The following TPRG1 variants were observed in gnomAD, a reference collection of about 807,000 sequenced individuals.
TPRG1 encodes tumor protein p63-regulated gene 1 protein.
Under a neutral mutation model 29.3 loss-of-function variants are expected in TPRG1, and 29 were observed. That is an observed-to-expected ratio of 0.99 (90% CI 0.74 to 1.35). TPRG1 has a LOEUF of 1.35. Among genes scored for constraint, TPRG1 ranks in the 40% most tolerant of loss-of-function variants. TPRG1 has a pLI of 0.00. For missense variants in TPRG1, 327 were observed against 335.0 expected (o/e 0.98, Z 0.19); for synonymous variants, 130 against 116.8 (o/e 1.11, Z -0.73).
At chr3:189,090,547 G>C (rs1578329504) in intron 4 of TPRG1, among the ~76,000 whole-genome samples, 1 of 151,862 alleles carries the variant, frequency 6.6e-6, no homozygotes, top group East Asian at 1.9e-4. Flanking sequence ...TTTTTATTTA[G>C]ATATTTTGCA....
At chr3:189,097,107 C>T (rs935443795), upstream of TPRG1, among the ~76,000 whole-genome samples, 2 of 152,196 alleles carry the variant, frequency 1.3e-5, no homozygotes, top group African/African-American at 4.8e-5. Context: ...AATATTGGTT[C>T]ACTGACTTCT....
At chr3:189,062,646 A>C (rs564238024) in intron 4 of TPRG1, among the ~76,000 whole-genome samples, 22 of 152,242 alleles carry the variant, frequency 1.4e-4, no homozygotes, top group Admixed American at 4.6e-4. Flanking sequence ...GACCTAAATT[A>C]AAGGGAGGAT....
Position 189,218,638 on chromosome 3 carries a change from C to T in TPRG1, c.302+3255C>T, listed in dbSNP as rs561418698. Among the ~76,000 whole-genome samples, 12 of 152,286 alleles carry T rather than the reference C, an allele frequency of 7.9e-5. No individual in the cohort carries two copies. The South Asian group carries it at 1.0e-3, about 13-fold the overall frequency. On this transcript the variant is annotated intron_variant, in intron 3 of 5. Coordinates refer to ENST00000345063, the MANE Select transcript of TPRG1 (RefSeq NM_198485.4). ...AATGATTTTCACATCTGTGAACTTA[C>T]GTTAGCTTCACAACTTTGTTGGTTT...
At chr3:189,163,751 T>C (rs75851837) in intron 5 of TPRG1, among the ~76,000 whole-genome samples, 1,851 of 152,214 alleles carry the variant, frequency 0.012, 40 homozygotes, top group African/African-American at 0.043. Flanking sequence ...CTCCACAACT[T>C]TACAGGTACC....
chr3:189,147,395 C>T (rs1378040638), intron 3 of TPRG1, among the ~76,000 whole-genome samples: 1 of 152,202 alleles, frequency 6.6e-6, no homozygotes, highest in East Asian at 1.9e-4. Context: ...AGCCACCCCT[C>T]CCTGCTCTCT....
At chr3:189,127,998 C>T (rs1722681627) in intron 2 of TPRG1, among the ~76,000 whole-genome samples, 1 of 152,174 alleles carries the variant, frequency 6.6e-6, no homozygotes, top group Admixed American at 6.5e-5. Flanking sequence ...TTTAGTCTAC[C>T]AGGACCATCT....
chr3:189,282,215 C>CAAAAGAAAA (rs1553938118), intron 4 of TPRG1, among the ~76,000 whole-genome samples: 47 of 94,714 alleles, frequency 5.0e-4, no homozygotes, highest in African/African-American at 2.0e-3. Flanking sequence ...TAGTCCTTTC[C>CAAAAGAAAA]AAAAAAAAAA....
chr3:189,316,656 C>CT (rs953254238), intron 5 of TPRG1, among the ~76,000 whole-genome samples: 1 of 152,034 alleles, frequency 6.6e-6, no homozygotes, highest in Non-Finnish European at 1.5e-5. Flanking sequence ...ATACGATGTC[C>CT]CCCCTGTCCC....
intron 4 of TPRG1, among the ~76,000 whole-genome samples, chr3:189,297,448 C>T (rs1196278237): frequency 6.6e-6 from 1 of 152,104 alleles, no homozygotes; most frequent in Non-Finnish European, 1.5e-5. Context: ...GCCCTCAGGG[C>T]CAAGGATATT....
intron 4 of TPRG1, among the ~76,000 whole-genome samples, chr3:189,244,982 A>G (rs1741165999): frequency 6.6e-6 from 1 of 152,076 alleles, no homozygotes; most frequent in South Asian, 2.1e-4. Flanking sequence ...GTGCAACGGT[A>G]TGATCTTGGC....
At chr3:189,276,928 A>G (rs1049081088) in intron 4 of TPRG1, among the ~76,000 whole-genome samples, 3 of 151,958 alleles carry the variant, frequency 2.0e-5, no homozygotes, top group Admixed American at 1.3e-4. Context: ...TGGACAACGT[A>G]TATATTTTTT....
At chr3:189,274,858 C>T (rs910596339) in intron 4 of TPRG1, among the ~76,000 whole-genome samples, 2 of 148,604 alleles carry the variant, frequency 1.3e-5, no homozygotes, top group African/African-American at 5.0e-5. Flanking sequence ...TTGACCTGTG[C>T]TTTTTTTTTC....
rs746866168 is a variant in TPRG1, at chr3:189,310,569, A to G, written c.633+30A>G. 2.0e-5 allele frequency: 31 copies of G among 1,575,986 alleles called. No individual in the cohort carries two copies. The South Asian group carries it at 2.5e-4, about 13-fold the overall frequency. ...GAGGCATCTTGGGTATTACTCTCAG[A>G]TTAGCTTTGTTGCTGGAGCTATGTG... On this transcript the variant is annotated intron_variant, in intron 5 of 5. Transcript: ENST00000345063.
intron 4 of TPRG1, among the ~76,000 whole-genome samples, chr3:189,266,162 A>G (rs1319846845): frequency 6.6e-6 from 1 of 152,206 alleles, no homozygotes; most frequent in Admixed American, 6.5e-5. Flanking sequence ...TAGAATTAAT[A>G]TCTACCCCAC....
In TPRG1 at chr3:189,274,486, A is replaced by G. The variant is rs184889322; in HGVS notation, c.479+35577A>G. Among the ~76,000 whole-genome samples, 4 of 152,266 alleles carry G rather than the reference A, an allele frequency of 2.6e-5. No homozygotes were observed. In the East Asian group the frequency reaches 7.7e-4, roughly 29 times the overall value. ...GTACAGAACTTAAATAAGAACTTAG[A>G]CTAAAAGGGACGGTGACTTCCCTGA... On this transcript the variant is annotated intron_variant, in intron 4 of 5. Transcript: ENST00000345063.
At chr3:189,193,686 A>G (rs1444700213) in intron 1 of TPRG1, among the ~76,000 whole-genome samples, 1 of 150,364 alleles carries the variant, frequency 6.7e-6, no homozygotes, top group African/African-American at 2.5e-5. Flanking sequence ...CTGCTAGATC[A>G]AGTCTGTTGT....
chr3:189,155,500 G>A (rs1196740650), intron 5 of TPRG1, among the ~76,000 whole-genome samples: 1 of 151,952 alleles, frequency 6.6e-6, no homozygotes, highest in Non-Finnish European at 1.5e-5. Flanking sequence ...ATAAACATAA[G>A]GGTCCTTATA....
intron 4 of TPRG1, among the ~76,000 whole-genome samples, chr3:189,308,711 T>C (rs12485602): frequency 0.019 from 2,960 of 152,304 alleles, 60 homozygotes; most frequent in East Asian, 0.076. Flanking sequence ...TAATGTGTAC[T>C]TATTAGGCAA....
chr3:189,126,579 T>C (rs1382826994), intron 1 of TPRG1, among the ~76,000 whole-genome samples: 1 of 152,202 alleles, frequency 6.6e-6, no homozygotes, highest in Non-Finnish European at 1.5e-5. Context: ...GTGCATGTGA[T>C]TAAGAGTGTG....
Sources: gnomAD v4.1 joint callset for allele counts (sites outside exome capture counted in the v4.1 genomes callset) on GRCh38, gnomAD v4.1.1 for gene constraint, MANE v1.5 for transcripts, NCBI Gene and HGNC (gene_info 2026-07-23, HGNC 2026-07-21) for gene names.